FRMD3: variants seen among roughly 807,000 people sequenced by gnomAD.
FRMD3 encodes the protein FERM domain containing 3.
In FRMD3, 33 loss-of-function variants were observed where a neutral mutation model predicts 70.2. The observed-to-expected ratio is 0.47, with a 90% CI of 0.36 to 0.63. The LOEUF is 0.63. FRMD3 is among the 20% of genes least tolerant of loss of function. The probability of loss-of-function intolerance (pLI) is 0.00; values close to 1 mark genes in which losing one functional copy is unlikely to be tolerated. For synonymous variants in FRMD3, 279 were observed against 255.9 expected (o/e 1.09, Z -0.86); for missense variants, 632 against 711.4 (o/e 0.89, Z 1.27).
At chr9:83,433,888 C>T (rs1827054569) in intron 1 of FRMD3, among the ~76,000 whole-genome samples, 1 of 152,192 alleles carries the variant, frequency 6.6e-6, no homozygotes, top group African/African-American at 2.4e-5. Flanking sequence ...TGATCACCCA[C>T]CACTCACCTC....
intron 6 of FRMD3, among the ~76,000 whole-genome samples, chr9:83,314,839 ACT>A (rs368044840): frequency 1.4e-5 from 2 of 146,060 alleles, no homozygotes; most frequent in African/African-American, 5.1e-5. Context: ...TTCCTCCACC[ACT>A]CTCTCTCTCT....
chr9:83,532,961 G>C (rs1487176492), intron 1 of FRMD3, among the ~76,000 whole-genome samples: 1 of 152,248 alleles, frequency 6.6e-6, no homozygotes, highest in East Asian at 1.9e-4. Context: ...AGATGCCAGA[G>C]TGAAAAGATG....
intron 6 of FRMD3, among the ~76,000 whole-genome samples, chr9:83,315,431 T>C (rs890304729): frequency 2.0e-5 from 3 of 152,144 alleles, no homozygotes; most frequent in African/African-American, 4.8e-5. Flanking sequence ...TGTCGAATTG[T>C]AATCCCCAAC....
intron 1 of FRMD3, among the ~76,000 whole-genome samples, chr9:83,452,518 G>A (rs1339375332): frequency 2.6e-5 from 4 of 151,850 alleles, no homozygotes; most frequent in Non-Finnish European, 2.9e-5. Context: ...GTCTCGCTCC[G>A]TCGCCCAGGC....
At chr9:83,363,860 T>G (rs11140055) in intron 3 of FRMD3, among the ~76,000 whole-genome samples, 8,469 of 152,274 alleles carry the variant, frequency 0.056, 350 homozygotes, top group Middle Eastern at 0.11. Flanking sequence ...GGCTGAGACA[T>G]AGGCATTTTT....
At chr9:83,444,398 GC>G (rs1266064600) in intron 1 of FRMD3, among the ~76,000 whole-genome samples, 1 of 152,214 alleles carries the variant, frequency 6.6e-6, no homozygotes, top group African/African-American at 2.4e-5. Flanking sequence ...AGTCGGGGCT[GC>G]CCAGATTGCC....
chr9:83,378,858 AAT>A (rs567119689), intron 2 of FRMD3, among the ~76,000 whole-genome samples: 2 of 130,168 alleles, frequency 1.5e-5, no homozygotes, highest in African/African-American at 6.8e-5. Flanking sequence ...ATTTTATATA[AAT>A]ATATATACAC....
chr9:83,437,275 T>C (rs2131386831), intron 1 of FRMD3, among the ~76,000 whole-genome samples: 1 of 152,368 alleles, frequency 6.6e-6, no homozygotes, highest in Non-Finnish European at 1.5e-5. Context: ...TCAACATTTA[T>C]GGTTTTATCA....
At chr9:83,339,345 T>A (rs905897153) in intron 5 of FRMD3, among the ~76,000 whole-genome samples, 4 of 152,050 alleles carry the variant, frequency 2.6e-5, no homozygotes, top group Admixed American at 2.0e-4. Flanking sequence ...CCAAGAGGAG[T>A]TGGGTAAGCC....
At chr9:83,433,707 G>A (rs930140321) in intron 1 of FRMD3, among the ~76,000 whole-genome samples, 2 of 152,042 alleles carry the variant, frequency 1.3e-5, no homozygotes, top group African/African-American at 2.4e-5. Context: ...CAGATCATCA[G>A]GCATTAGATT....
At chr9:83,321,073 CT>C (rs1564014038) in intron 6 of FRMD3, among the ~76,000 whole-genome samples, 2 of 151,926 alleles carry the variant, frequency 1.3e-5, no homozygotes, top group Non-Finnish European at 2.9e-5. Flanking sequence ...GGATCTTCTC[CT>C]TTTCTTGGTT....
In FRMD3 at chr9:83,308,368, C is replaced by T. The variant is rs772872219; in HGVS notation, c.926+1168G>A. Among the ~76,000 whole-genome samples the T allele has an allele frequency of 7.2e-5, 11 of 152,090 alleles. No individual in the cohort carries two copies. The South Asian group carries it at 8.3e-4, about 11-fold the overall frequency. On this transcript the variant is annotated intron_variant, in intron 10 of 13. Coordinates refer to ENST00000304195, the MANE Select transcript of FRMD3 (RefSeq NM_174938.6). ...AGATTAAGGAAAAGTATTCTGTGGC[C>T]GAAACTGGTTTCAAAATCATTATCC... is the stretch of plus-strand genomic sequence containing the variant.
Position 83,245,493 on chromosome 9 carries a change from A to C in FRMD3, c.*2425T>G. 1 of 983,240 alleles carries C rather than the reference A, an allele frequency of 1.0e-6. No individual in the cohort carries two copies. The highest frequency in any genetic ancestry group is 1.2e-6 in the Non-Finnish European group (1 of 827,924). The allele number at this position is 983,240 out of a possible 1,614,324, so 60.9% of individuals were successfully genotyped here. ...CACTTAAAAACATTTCTATTCAACA[A>C]TGAAGTTTCCACCTAAGAGAAAAGA... On this transcript the variant is annotated 3_prime_UTR_variant, in exon 14 of 14. Transcript: ENST00000304195.
intron 4 of FRMD3, among the ~76,000 whole-genome samples, chr9:83,348,571 T>C (rs1268172656): frequency 6.6e-6 from 1 of 152,142 alleles, no homozygotes; most frequent in Non-Finnish European, 1.5e-5. Context: ...ACACTGTGAA[T>C]GTACTGAATG....
At position 83,376,409 on chromosome 9, in the gene FRMD3, T is replaced by C. The variant is rs182207775; in HGVS notation, c.253-3454A>G. The stretch of plus-strand genomic sequence containing the variant: ...GTGTTTTCTATGAGGGAGATCTTTA[T>C]GTGTAACATGGACAGATCTCTAAGG... On this transcript the variant is annotated intron_variant, in intron 2 of 13. Coordinates refer to ENST00000304195, the MANE Select transcript of FRMD3 (RefSeq NM_174938.6). Among the ~76,000 whole-genome samples, 6 of 152,352 alleles carry C rather than the reference T, an allele frequency of 3.9e-5. No individual in the cohort carries two copies. In the East Asian group the frequency reaches 9.7e-4, roughly 25 times the overall value.
At chr9:83,567,768 A>C in the FRMD3 span, among the ~76,000 whole-genome samples, 9 of 152,328 alleles carry the variant, frequency 5.9e-5, no homozygotes, top group South Asian at 1.9e-3. Context: ...TCATCTCTAT[A>C]TGAGACCACC....
chr9:83,250,794 G>A (rs776442525), intron 13 of FRMD3, among the ~76,000 whole-genome samples: 1 of 152,212 alleles, frequency 6.6e-6, no homozygotes, highest in Non-Finnish European at 1.5e-5. Flanking sequence ...CTCCTCACTG[G>A]ATAGGACTTC....
At chr9:83,271,055 T>G (rs1002194864) in intron 13 of FRMD3, among the ~76,000 whole-genome samples, 3 of 152,184 alleles carry the variant, frequency 2.0e-5, no homozygotes, top group African/African-American at 7.2e-5. Flanking sequence ...TGAATGCAAT[T>G]TTCTATCTGC....
At chr9:83,370,685 G>A (rs1160952818) in intron 3 of FRMD3, among the ~76,000 whole-genome samples, 1 of 152,184 alleles carries the variant, frequency 6.6e-6, no homozygotes, top group Non-Finnish European at 1.5e-5. Context: ...GCAGAGGCAG[G>A]CAGATCACCT....
Sources: allele counts gnomAD v4.1 joint callset (sites outside exome capture counted in the v4.1 genomes callset), GRCh38; gene constraint gnomAD v4.1.1; transcripts MANE v1.5; gene names NCBI Gene and HGNC (gene_info 2026-07-23, HGNC 2026-07-21).